MAPT: variants seen among roughly 807,000 people sequenced by gnomAD.
The protein encoded by MAPT is microtubule-associated protein tau.
MAPT carries 34 observed loss-of-function variants against 67.9 expected under a neutral mutation model. The ratio of observed to expected loss-of-function variants is 0.50; its 90% CI spans 0.38 to 0.67. The LOEUF (loss-of-function observed/expected upper bound fraction) is 0.67. Among genes scored for constraint, MAPT ranks in the 30% least tolerant of loss-of-function variants. MAPT has a pLI of 0.00. For synonymous variants in MAPT, 456 were observed against 464.5 expected, an observed-to-expected ratio of 0.98 and a Z score of 0.23; for missense variants, 881 against 1,115.2, an observed-to-expected ratio of 0.79 and a Z score of 2.99.
chr17:45,919,862 A>C (rs1352891083), intron 1 of MAPT, among the ~76,000 whole-genome samples: 1 of 152,236 alleles, frequency 6.6e-6, no homozygotes, highest in Non-Finnish European at 1.5e-5. Flanking sequence ...GCAGTGAGCT[A>C]TGCTGGCACC....
Position 45,991,561 on chromosome 17 carries a change from C to T in MAPT, c.1707C>T (p.Pro569=), listed in dbSNP as rs750910229. ...NATRIPAKTP[P]APKTPPSSGE... Reference sequence around the variant, plus strand: ...CCAGGATTCCAGCAAAAACCCCGCCCGCTCCAAAGACACCACCCAGCTCTG... The same window carrying T: ...CCAGGATTCCAGCAAAAACCCCGCCTGCTCCAAAGACACCACCCAGCTCTG... Residue 569 remains proline (P), a synonymous_variant, in exon 8 of 13, where the codon CCC becomes CCT. Coordinates refer to ENST00000262410, the MANE Select transcript of MAPT (RefSeq NM_001377265.1). The T allele has an allele frequency of 1.3e-5, 21 of 1,614,018 alleles. No individual in the cohort carries two copies. The highest frequency in any genetic ancestry group is 6.7e-5 in the East Asian group (3 of 44,886).
intron 1 of MAPT, among the ~76,000 whole-genome samples, chr17:45,928,426 C>T (rs1468273513): frequency 6.6e-6 from 1 of 152,182 alleles, no homozygotes; most frequent in Non-Finnish European, 1.5e-5. Flanking sequence ...CATCTACACT[C>T]CTATGACTTT....
intron 1 of MAPT, among the ~76,000 whole-genome samples, chr17:45,936,097 CT>C (rs1022567480): frequency 6.6e-5 from 10 of 152,214 alleles, no homozygotes; most frequent in African/African-American, 2.2e-4. Flanking sequence ...AGTTCCATAA[CT>C]TGTGTTGACC....
At chr17:46,000,654 G>A (rs1460670764) in intron 9 of MAPT, among the ~76,000 whole-genome samples, 1 of 152,198 alleles carries the variant, frequency 6.6e-6, no homozygotes, top group Non-Finnish European at 1.5e-5. Context: ...CTAGTGTGCA[G>A]CCTGGCTGAG....
chr17:46,003,817 G>A (rs2145929046), intron 9 of MAPT, among the ~76,000 whole-genome samples: 1 of 152,168 alleles, frequency 6.6e-6, no homozygotes, highest in African/African-American at 2.4e-5. Flanking sequence ...GACCCTCCAG[G>A]CATCTTTTCC....
rs1273177761 is a variant in MAPT at position 45,903,863 on chromosome 17, AT to A, written c.-18+9179del. 7.9e-4 allele frequency among the ~76,000 whole-genome samples: 23 copies of A among 29,286 alleles called. 4 individuals carry two copies. Among genetic ancestry groups the A allele is most frequent in the East Asian group, 6.8e-3 (10 of 1,474 alleles). The allele number at this position is 29,286 out of a possible 152,430, so 19.2% of individuals were successfully genotyped here. On this transcript the variant is annotated intron_variant, in intron 1 of 12. Transcript: ENST00000262410. ...ATTTTATATATTATATATTATATAT[AT>A]TATATATTATATATTTATATATTTA...
chr17:46,022,202 A>G (rs1346901448), intron 12 of MAPT, among the ~76,000 whole-genome samples: 2 of 151,984 alleles, frequency 1.3e-5, no homozygotes, highest in Non-Finnish European at 2.9e-5. Flanking sequence ...AAAAAATACA[A>G]AAATTAGCTG....
intron 3 of MAPT, chr17:45,973,117 A>G (rs1401391950): frequency 6.6e-6 from 1 of 152,060 alleles, no homozygotes; most frequent in Non-Finnish European, 1.5e-5. Context: ...AACTGGCCCA[A>G]GTGTCTCCCC....
At chr17:46,013,208 C>T (rs1198628038) in intron 10 of MAPT, among the ~76,000 whole-genome samples, 1 of 152,188 alleles carries the variant, frequency 6.6e-6, no homozygotes, top group Non-Finnish European at 1.5e-5. Flanking sequence ...TGGGAGGTGG[C>T]TGCCCCCTTG....
At chr17:45,979,751 C>A (rs181465873) in intron 4 of MAPT, 19 of 152,256 alleles carry the variant, frequency 1.2e-4, no homozygotes, top group Admixed American at 4.6e-4. Context: ...GAAATCATTG[C>A]TTTTCATAAA....
At chr17:45,914,730 T>C (rs946962211) in intron 1 of MAPT, among the ~76,000 whole-genome samples, 1 of 151,860 alleles carries the variant, frequency 6.6e-6, no homozygotes, top group Non-Finnish European at 1.5e-5. Context: ...TACCTTTTTT[T>C]TTTTTTTTGA....
rs763460763 is a variant in MAPT, at chr17:45,916,863, G to C, written c.-18+22177G>C. ...ACACAGCAGGTTCATGGCAAAGCTG[G>C]ACTAGCACAGGTGTCCTTCCCCTGC... On this transcript the variant is annotated intron_variant, in intron 1 of 12. Transcript: ENST00000262410. Among the ~76,000 whole-genome samples the C allele has an allele frequency of 1.4e-4, 21 of 152,280 alleles. 1 individual carries two copies. The Middle Eastern group carries it at 0.014, about 99-fold the overall frequency.
intron 8 of MAPT, among the ~76,000 whole-genome samples, chr17:45,993,411 G>T (rs996748983): frequency 2.0e-5 from 3 of 151,920 alleles, no homozygotes; most frequent in African/African-American, 7.3e-5. Flanking sequence ...CTCACACTCT[G>T]TTTTTTGTTG....
intron 12 of MAPT, among the ~76,000 whole-genome samples, chr17:46,023,057 CA>C (rs1348767372): frequency 6.6e-6 from 1 of 152,186 alleles, no homozygotes; most frequent in Non-Finnish European, 1.5e-5. Context: ...CAGTCACTGG[CA>C]AACAGGAGGA....
chr17:45,942,146 C>T (rs2068056112), intron 1 of MAPT, among the ~76,000 whole-genome samples: 1 of 152,172 alleles, frequency 6.6e-6, no homozygotes, highest in African/African-American at 2.4e-5. Flanking sequence ...TTGTATTTCT[C>T]TTCACAGAGA....
intron 1 of MAPT, among the ~76,000 whole-genome samples, chr17:45,934,055 T>G (rs187490480): frequency 2.3e-4 from 35 of 152,240 alleles, no homozygotes; most frequent in Admixed American, 1.8e-3. Flanking sequence ...GCACTCTTGA[T>G]GTGTTTCTTT....
Position 45,915,505 on chromosome 17 carries a change from CAT to C in MAPT, c.-18+20820_-18+20821del, listed in dbSNP as rs1472351523. Among the ~76,000 whole-genome samples, 1 of 142,076 alleles carries C rather than the reference CAT, an allele frequency of 7.0e-6. No individual in the cohort carries two copies. Among genetic ancestry groups the C allele is most frequent in the East Asian group, 2.1e-4 (1 of 4,762 alleles). The allele number at this position is 142,076 out of a possible 152,430, so 93.2% of individuals were successfully genotyped here. ...TTGTGATATGTGTGTGGTGTGTGAG[CAT>C]GTGTGTGTGATGTGTCTGTGTGTGG... On this transcript the variant is annotated intron_variant, in intron 1 of 12. Transcript: ENST00000262410. This position sits in a 1 kb window ranked among gnomAD's most constrained non-coding sequence, Gnocchi z 4.4.
At chr17:45,930,276 A>G (rs1259828137) in intron 1 of MAPT, among the ~76,000 whole-genome samples, 2 of 152,082 alleles carry the variant, frequency 1.3e-5, no homozygotes, top group East Asian at 1.9e-4. Flanking sequence ...GTATGGTGGC[A>G]TGCACCTGTG....
Position 46,024,277 on chromosome 17 carries a change from C to A in MAPT, c.*106C>A. The A allele has an allele frequency of 9.6e-7, 1 of 1,039,060 alleles. No homozygotes were observed. The highest frequency in any genetic ancestry group is 1.5e-6 in the Non-Finnish European group (1 of 689,422). 64.4% of individuals were successfully genotyped at this position (1,039,060 alleles called of 1,614,324 possible). A position where few individuals can be genotyped will look rare whatever the true frequency, so the allele number is the denominator to read the frequency against. ...CCGCCCTCTGCCCCCAGCTGCTCCT[C>A]GCAGTTCGGTTAATTGGTTAATCAC... On this transcript the variant is annotated 3_prime_UTR_variant, in exon 13 of 13. Coordinates refer to ENST00000262410, the MANE Select transcript of MAPT (RefSeq NM_001377265.1).
Sources: allele counts gnomAD v4.1 joint callset (sites outside exome capture counted in the v4.1 genomes callset), GRCh38; gene constraint gnomAD v4.1.1; non-coding constraint Gnocchi (gnomAD v3.1); transcripts MANE v1.5; gene names NCBI Gene and HGNC (gene_info 2026-07-23, HGNC 2026-07-21).